The following SLC39A9 variants were observed in gnomAD, a reference collection of about 807,000 sequenced individuals.
The protein encoded by SLC39A9 is solute carrier family 39 member 9.
A neutral mutation model predicts 28.4 loss-of-function variants in SLC39A9; 14 were observed. That is an observed-to-expected ratio of 0.49 (90% CI 0.33 to 0.77). The LOEUF (loss-of-function observed/expected upper bound fraction) is 0.77. Ranked by LOEUF, SLC39A9 falls within the 30% of genes least tolerant of loss-of-function variation. The pLI, the probability that SLC39A9 is intolerant of heterozygous loss-of-function variation, is 0.02. For synonymous variants in SLC39A9, 119 were observed against 149.6 expected (o/e 0.80, Z 1.49); for missense variants, 283 against 381.1 (o/e 0.74, Z 2.14).
At chr14:69,427,892 G>A (rs1195173282) in intron 2 of SLC39A9, among the ~76,000 whole-genome samples, 3 of 152,194 alleles carry the variant, frequency 2.0e-5, no homozygotes, top group African/African-American at 7.2e-5. Flanking sequence ...CCATATTGGA[G>A]CAACATGAAT....
rs1882489056 is a variant in SLC39A9 at position 69,399,316 on chromosome 14, A to G, written c.-54A>G. ...TGTTTAAAGAACCTAAGCACCATTT[A>G]AAGCCACTGGAAATTTGTTGTCTAG... On this transcript the variant is annotated 5_prime_UTR_variant, in exon 1 of 7. Transcript: ENST00000336643. 6.6e-6 allele frequency: 10 copies of G among 1,521,420 alleles called. No individual in the cohort carries two copies. The highest frequency in any genetic ancestry group is 3.5e-5 in the Admixed American group (2 of 57,952). 94.2% of individuals were successfully genotyped at this position (1,521,420 alleles called of 1,614,324 possible). A position where few individuals can be genotyped will look rare whatever the true frequency, so the allele number is the denominator to read the frequency against.
intron 3 of SLC39A9, among the ~76,000 whole-genome samples, chr14:69,445,096 T>C (rs942648502): frequency 1.3e-5 from 2 of 151,992 alleles, no homozygotes; most frequent in African/African-American, 4.8e-5. Flanking sequence ...GCATATACTA[T>C]GTTTTATGTA....
rs571278836 is a variant in SLC39A9 at position 69,458,783 on chromosome 14, G to A, written c.*190G>A. 6.6e-6 allele frequency: 9 copies of A among 1,360,786 alleles called. No homozygotes were observed. The highest frequency in any genetic ancestry group is 4.3e-5 in the African/African-American group (3 of 69,124). The allele number at this position is 1,360,786 out of a possible 1,614,324, so 84.3% of individuals were successfully genotyped here. ...GCTTTTAGAGTAGAAACACATTTAC[G>A]TTGCAGTTAGCTATAGACATCCCAT... On this transcript the variant is annotated 3_prime_UTR_variant, in exon 7 of 7. Coordinates refer to ENST00000336643, the MANE Select transcript of SLC39A9 (RefSeq NM_018375.5).
chr14:69,430,493 T>C (rs1443033023), intron 2 of SLC39A9, among the ~76,000 whole-genome samples: 1 of 152,206 alleles, frequency 6.6e-6, no homozygotes, highest in Non-Finnish European at 1.5e-5. Flanking sequence ...TTTGTGTTGG[T>C]CTATTTCTGG....
At chr14:69,455,552 T>G (rs1885817161) in intron 5 of SLC39A9, among the ~76,000 whole-genome samples, 180 bp from the exon 6 acceptor site, 1 of 152,134 alleles carries the variant, frequency 6.6e-6, no homozygotes, top group East Asian at 1.9e-4. Context: ...ACTCCTGACC[T>G]TAGGTGATCC....
At chr14:69,449,129 A>C (rs532992550) in intron 3 of SLC39A9, among the ~76,000 whole-genome samples, 1 of 152,206 alleles carries the variant, frequency 6.6e-6, no homozygotes, top group Non-Finnish European at 1.5e-5. Context: ...TGTATTTACT[A>C]TGTGTTAAAT....
rs975223689 is a variant in SLC39A9, at chr14:69,460,191, C to T, written c.*1598C>T. The T allele has an allele frequency of 4.1e-6, 4 of 985,638 alleles. No homozygotes were observed. The highest frequency in any genetic ancestry group is 3.5e-5 in the African/African-American group (2 of 57,222). 61.1% of individuals were successfully genotyped at this position (985,638 alleles called of 1,614,324 possible). A position where few individuals can be genotyped will look rare whatever the true frequency, so the allele number is the denominator to read the frequency against. ...AGACTAGTTTCTTCAGGGCAGTGGACGTAGTAGTTTGTAAAAACGTTTTCT... is the reference window on the plus strand; with the variant it reads ...AGACTAGTTTCTTCAGGGCAGTGGATGTAGTAGTTTGTAAAAACGTTTTCT... On this transcript the variant is annotated 3_prime_UTR_variant, in exon 7 of 7. Coordinates refer to ENST00000336643, the MANE Select transcript of SLC39A9 (RefSeq NM_018375.5).
At chr14:69,435,244 GT>G (rs2140288547) in intron 2 of SLC39A9, among the ~76,000 whole-genome samples, 1 of 152,254 alleles carries the variant, frequency 6.6e-6, no homozygotes, top group African/African-American at 2.4e-5. Context: ...GTACCTACAT[GT>G]TTAGGAGTGC....
At chr14:69,435,846 CATTTT>C (rs1884718182) in intron 2 of SLC39A9, among the ~76,000 whole-genome samples, 1 of 151,714 alleles carries the variant, frequency 6.6e-6, no homozygotes, top group Non-Finnish European at 1.5e-5. Flanking sequence ...CTTATTTTTG[CATTTT>C]TAGTAGAGAC....
intron 1 of SLC39A9, among the ~76,000 whole-genome samples, chr14:69,423,016 A>G (rs1883985247): frequency 6.6e-6 from 1 of 152,248 alleles, no homozygotes; most frequent in Non-Finnish European, 1.5e-5. Context: ...GAAGAATTTT[A>G]GCATTGATGT....
intron 1 of SLC39A9, among the ~76,000 whole-genome samples, chr14:69,404,159 A>G (rs11622130): frequency 0.19 from 28,498 of 152,152 alleles, 2,801 homozygotes; most frequent in South Asian, 0.26. Flanking sequence ...CCAGGAGTTC[A>G]GGGTTGCAGT....
At position 69,460,831 on chromosome 14, in the gene SLC39A9, C is replaced by T. The variant is rs1886082529; in HGVS notation, c.*2238C>T. The T allele has an allele frequency of 5.1e-6, 5 of 985,424 alleles. No homozygotes were observed. In the South Asian group the frequency reaches 2.3e-4, roughly 46 times the overall value. The allele number at this position is 985,424 out of a possible 1,614,324, so 61.0% of individuals were successfully genotyped here. A position where few individuals can be genotyped will look rare whatever the true frequency, so the allele number is the denominator to read the frequency against. On this transcript the variant is annotated 3_prime_UTR_variant, in exon 7 of 7. Coordinates refer to ENST00000336643, the MANE Select transcript of SLC39A9 (RefSeq NM_018375.5). Reference sequence around the variant, plus strand: ...CTTTCCCAGATTTTAAAGCTGCTGCCTCGAGAACTACTCATTTCTCTCCTG... The same window carrying T: ...CTTTCCCAGATTTTAAAGCTGCTGCTTCGAGAACTACTCATTTCTCTCCTG...
intron 2 of SLC39A9, among the ~76,000 whole-genome samples, chr14:69,434,070 ATTCTT>A (rs1454409542): frequency 1.4e-5 from 2 of 141,822 alleles, no homozygotes; most frequent in African/African-American, 2.6e-5. Flanking sequence ...CAGGCATGTA[ATTCTT>A]TTCTTTTCTT....
At chr14:69,455,621 T>G in intron 5 of SLC39A9, 111 bp from the exon 6 acceptor site, 3 of 1,451,868 alleles carry the variant, frequency 2.1e-6, no homozygotes, top group Non-Finnish European at 2.8e-6. Flanking sequence ...TGCCTGGCCT[T>G]TTGTGAGTTT....
chr14:69,437,692 C>T (rs1460047611), intron 2 of SLC39A9, among the ~76,000 whole-genome samples: 1 of 151,248 alleles, frequency 6.6e-6, no homozygotes, highest in Non-Finnish European at 1.5e-5. Context: ...CGGGTTCAAG[C>T]AGTTCTCTGC....
chr14:69,402,925 T>C (rs1260447774), intron 1 of SLC39A9, among the ~76,000 whole-genome samples: 4 of 151,770 alleles, frequency 2.6e-5, no homozygotes, highest in Non-Finnish European at 5.9e-5. Flanking sequence ...CTACTAAAAA[T>C]ACAAAAATTA....
Position 69,461,417 on chromosome 14 carries a change from T to A in SLC39A9, c.*2824T>A. 7.9e-7 allele frequency: 1 copy of A among 1,260,720 alleles called. No homozygotes were observed. The highest frequency in any genetic ancestry group is 3.5e-5 in the Admixed American group (1 of 28,976). 78.1% of individuals were successfully genotyped at this position (1,260,720 alleles called of 1,614,324 possible). A position where few individuals can be genotyped will look rare whatever the true frequency, so the allele number is the denominator to read the frequency against. ...TTTCCTGTGCACACTATTGCCAAATTTTTTTTTAGCAAAGATTCTGCACTG... is the reference window on the plus strand; with the variant it reads ...TTTCCTGTGCACACTATTGCCAAATATTTTTTTAGCAAAGATTCTGCACTG... On this transcript the variant is annotated 3_prime_UTR_variant, in exon 7 of 7. Transcript: ENST00000336643.
rs763998656 is a variant in SLC39A9 at position 69,399,412 on chromosome 14, T to C, written c.43T>C (p.Leu15=). 1 of 1,614,014 alleles carries C rather than the reference T, an allele frequency of 6.2e-7. No individual in the cohort carries two copies. The highest frequency in any genetic ancestry group is 1.3e-5 in the African/African-American group (1 of 74,916). ...ISISLLSLAM[L]VGCYVAGIIP... ...CATTAGCCTGCTGTCTCTGGCTATG[T>C]TGGTGGGATGTTACGTGGCCGGAAT... Residue 15 remains leucine (L), a synonymous_variant, in exon 1 of 7, where the codon TTG becomes CTG. Coordinates refer to ENST00000336643, the MANE Select transcript of SLC39A9 (RefSeq NM_018375.5).
intron 3 of SLC39A9, among the ~76,000 whole-genome samples, chr14:69,447,250 A>T (rs1207293799): frequency 6.6e-6 from 1 of 152,234 alleles, no homozygotes; most frequent in Non-Finnish European, 1.5e-5. Flanking sequence ...GTAAGCTCTC[A>T]GATCAGCCTC....
Sources: gnomAD v4.1 joint callset for allele counts (sites outside exome capture counted in the v4.1 genomes callset) on GRCh38, gnomAD v4.1.1 for gene constraint, MANE v1.5 for transcripts, NCBI Gene and HGNC (gene_info 2026-07-23, HGNC 2026-07-21) for gene names.